Variants in SLAMF1 observed in about 807,000 individuals in gnomAD.
The protein encoded by SLAMF1 is signaling lymphocytic activation molecule.
SLAMF1 carries 18 observed loss-of-function variants against 35.1 expected under a neutral mutation model. The ratio of observed to expected loss-of-function variants is 0.51; its 90% CI spans 0.35 to 0.76. SLAMF1 has a LOEUF of 0.76. Among genes scored for constraint, SLAMF1 ranks in the 30% least tolerant of loss-of-function variants. The pLI is 0.01. For missense variants in SLAMF1, 392 were observed against 413.0 expected (o/e 0.95, Z 0.44); for synonymous variants, 168 against 157.2 (o/e 1.07, Z -0.51).
At chr1:160,612,641 C>A in intron 5 of SLAMF1, 61 bp from the exon 6 acceptor site, 1 of 1,011,206 alleles carries the variant, frequency 9.9e-7, no homozygotes, top group Non-Finnish European at 1.5e-6. Context: ...TCACCCAACT[C>A]TCCGATAGAG....
At chr1:160,635,317 G>T (rs889895856) in intron 2 of SLAMF1, among the ~76,000 whole-genome samples, 1 of 152,194 alleles carries the variant, frequency 6.6e-6, no homozygotes, top group African/African-American at 2.4e-5. Flanking sequence ...CGTGATGTGT[G>T]TGGGAGGGTG....
chr1:160,631,386 T>C (rs1388090391), intron 3 of SLAMF1, among the ~76,000 whole-genome samples: 1 of 152,182 alleles, frequency 6.6e-6, no homozygotes, highest in African/African-American at 2.4e-5. Context: ...CCCAAATTCA[T>C]ATGTTGATTT....
At chr1:160,645,394 C>T (rs1176127923) in intron 1 of SLAMF1, among the ~76,000 whole-genome samples, 1 of 152,214 alleles carries the variant, frequency 6.6e-6, no homozygotes, top group Non-Finnish European at 1.5e-5. Flanking sequence ...ATGAAGTGAG[C>T]AGCCTCCGAT....
intron 3 of SLAMF1, among the ~76,000 whole-genome samples, chr1:160,629,862 C>G (rs3753383): frequency 0.42 from 63,893 of 152,058 alleles, 14,811 homozygotes; most frequent in African/African-American, 0.61. Context: ...TTTTTACGCT[C>G]GCTAAATTGG....
chr1:160,645,662 G>T (rs552628648), intron 1 of SLAMF1, among the ~76,000 whole-genome samples: 1 of 152,328 alleles, frequency 6.6e-6, no homozygotes, highest in South Asian at 2.1e-4. Context: ...GGCTTTCCCT[G>T]TGACCACTTA....
At chr1:160,643,383 A>G (rs561707399) in intron 1 of SLAMF1, among the ~76,000 whole-genome samples, 2 of 152,310 alleles carry the variant, frequency 1.3e-5, no homozygotes, top group Admixed American at 6.5e-5. Context: ...TAGTGACTCC[A>G]GGCTTCATGG....
rs548288899 is a variant in SLAMF1, at chr1:160,642,362, A to C, written c.76+4508T>G. ...TGGTCTCCATTTTGACATCTCTTTC[A>C]TAGGGAAGACTTTCCTGACTCCTGA... On this transcript the variant is annotated intron_variant, in intron 1 of 6. Coordinates refer to ENST00000302035, the MANE Select transcript of SLAMF1 (RefSeq NM_003037.5). The surrounding 1 kb of genome is among the most constrained non-coding windows in gnomAD (Gnocchi z 4.2). Among the ~76,000 whole-genome samples, 1 of 152,268 alleles carries C rather than the reference A, an allele frequency of 6.6e-6. No individual in the cohort carries two copies. The highest frequency in any genetic ancestry group is 1.9e-4 in the East Asian group (1 of 5,170).
chr1:160,631,645 A>C (rs1056886573), intron 3 of SLAMF1, among the ~76,000 whole-genome samples: 8 of 152,178 alleles, frequency 5.3e-5, no homozygotes, highest in Admixed American at 5.2e-4. Flanking sequence ...ATCTGGACAC[A>C]CAAAGAGACA....
intron 3 of SLAMF1, among the ~76,000 whole-genome samples, chr1:160,624,683 G>T (rs1409940953): frequency 6.6e-6 from 1 of 152,132 alleles, no homozygotes; most frequent in Non-Finnish European, 1.5e-5. Flanking sequence ...GTCCTTTCAT[G>T]CAAATAACTG....
chr1:160,629,523 T>C (rs891216513), intron 3 of SLAMF1, among the ~76,000 whole-genome samples: 1 of 152,136 alleles, frequency 6.6e-6, no homozygotes, highest in Non-Finnish European at 1.5e-5. Context: ...TACATTCTTG[T>C]TCGTGGCAGT....
At chr1:160,638,061 C>T (rs537942034) in intron 1 of SLAMF1, among the ~76,000 whole-genome samples, 1 of 152,092 alleles carries the variant, frequency 6.6e-6, no homozygotes, top group Non-Finnish European at 1.5e-5. Flanking sequence ...CTGTGGAATC[C>T]TCTCTCTCCA....
At chr1:160,640,138 C>T (rs1396659855) in intron 1 of SLAMF1, among the ~76,000 whole-genome samples, 1 of 151,674 alleles carries the variant, frequency 6.6e-6, no homozygotes, top group African/African-American at 2.4e-5. Context: ...ATTTTTGTCT[C>T]TCCCACTAGA....
rs1558019996 is a variant in SLAMF1 at position 160,647,008 on chromosome 1, C to G, written c.-63G>C. 2 of 835,388 alleles carry G rather than the reference C, an allele frequency of 2.4e-6. No homozygotes were observed. Among genetic ancestry groups the G allele is most frequent in the East Asian group, 5.0e-5 (2 of 39,638 alleles). The allele number at this position is 835,388 out of a possible 1,614,324, so 51.7% of individuals were successfully genotyped here. The stretch of plus-strand genomic sequence containing the variant: ...CTGGCAGCTGCTCACAGATGCCAGG[C>G]AGAAGCAAGCTTCGTGTCATGCAGC... On this transcript the variant is annotated 5_prime_UTR_variant, in exon 1 of 7. Coordinates refer to ENST00000302035, the MANE Select transcript of SLAMF1 (RefSeq NM_003037.5).
At chr1:160,634,529 C>T in intron 3 of SLAMF1, 84 bp downstream of exon 3, 1 of 1,456,660 alleles carries the variant, frequency 6.9e-7, no homozygotes, top group Non-Finnish European at 9.3e-7. Context: ...AAGGTGAATG[C>T]CATGGCTGGG....
intron 5 of SLAMF1, among the ~76,000 whole-genome samples, chr1:160,619,108 T>A (rs1256287646): frequency 6.6e-6 from 1 of 152,182 alleles, no homozygotes; most frequent in Non-Finnish European, 1.5e-5. Context: ...ATGTCCAGAT[T>A]CTGGCCTATA....
rs1196551430 is a variant in SLAMF1 at position 160,610,397 on chromosome 1, C to T, written c.*351G>A. ...TGAGATAGGTACTCAGATGTCCTGG[C>T]TTTCAGTCTGATTTTTATTATCCAG... On this transcript the variant is annotated 3_prime_UTR_variant, in exon 7 of 7. Transcript: ENST00000302035. The T allele has an allele frequency of 6.4e-6, 3 of 468,126 alleles. No individual in the cohort carries two copies. The highest frequency in any genetic ancestry group is 2.3e-5 in the Admixed American group (1 of 42,662). The allele number at this position is 468,126 out of a possible 1,614,324, so 29.0% of individuals were successfully genotyped here. A position where few individuals can be genotyped will look rare whatever the true frequency, so the allele number is the denominator to read the frequency against.
At chr1:160,626,782 T>C (rs1293416227) in intron 3 of SLAMF1, among the ~76,000 whole-genome samples, 2 of 152,098 alleles carry the variant, frequency 1.3e-5, no homozygotes, top group Non-Finnish European at 2.9e-5. Context: ...TCAAAAGCCC[T>C]CTGAGCAGCC....
intron 2 of SLAMF1, among the ~76,000 whole-genome samples, chr1:160,635,783 C>G (rs1043478473): frequency 1.1e-4 from 17 of 151,602 alleles, no homozygotes; most frequent in African/African-American, 3.9e-4. Context: ...GTTTCACCAC[C>G]ATAGCCAGGA....
chr1:160,622,815 T>C (rs533049971), intron 4 of SLAMF1, among the ~76,000 whole-genome samples: 4 of 152,234 alleles, frequency 2.6e-5, no homozygotes, highest in African/African-American at 9.6e-5. Flanking sequence ...CTCCTGGACA[T>C]GAAATTGCCA....
Sources: allele counts gnomAD v4.1 joint callset (sites outside exome capture counted in the v4.1 genomes callset), GRCh38; gene constraint gnomAD v4.1.1; non-coding constraint Gnocchi (gnomAD v3.1); transcripts MANE v1.5; gene names NCBI Gene and HGNC (gene_info 2026-07-23, HGNC 2026-07-21).